The following EXOC6B variants were observed in gnomAD, a reference collection of about 807,000 sequenced individuals.
EXOC6B encodes exocyst complex component 6B, also known as SEC15 homolog B.
In EXOC6B, 54 loss-of-function variants were observed where a neutral mutation model predicts 113.5. The ratio of observed to expected loss-of-function variants is 0.48; its 90% CI spans 0.38 to 0.60. The LOEUF is 0.60. Ranked by LOEUF, EXOC6B falls within the 20% of genes least tolerant of loss-of-function variation. The pLI is 0.00. For missense variants in EXOC6B, 797 were observed against 977.5 expected (o/e 0.82, Z 2.46); for synonymous variants, 357 against 339.0 (o/e 1.05, Z -0.58).
chr2:72,379,889 A>T lies in EXOC6B; in HGVS notation c.1981-19T>A, dbSNP rs772650451. 8 of 1,579,540 alleles carry T rather than the reference A, an allele frequency of 5.1e-6. No individual in the cohort carries two copies. The highest frequency in any genetic ancestry group is 1.4e-5 in the African/African-American group (1 of 73,890). Reference sequence around the variant, plus strand: ...CCTTTCCCTGAAACACAAGAGTGTAAATCATAAAGTTAATGCATCTAACAT... The same window carrying T: ...CCTTTCCCTGAAACACAAGAGTGTATATCATAAAGTTAATGCATCTAACAT... On this transcript the variant is annotated intron_variant, in intron 18 of 21. Coordinates refer to ENST00000272427, the MANE Select transcript of EXOC6B (RefSeq NM_015189.3).
rs139258627 is a variant in EXOC6B, at chr2:72,825,182, G to T, written c.113+616C>A. Among the ~76,000 whole-genome samples the T allele has an allele frequency of 0.016, 2,430 of 152,226 alleles. 82 individuals carry two copies. Among genetic ancestry groups the T allele is most frequent in the African/African-American group, 0.056 (2,337 of 41,532 alleles). ...AATGATAACTGGGGGGCGGCAGCAG[G>T]GTCAGTTTTCCCCAGCGATGAGGAG... On this transcript the variant is annotated intron_variant, in intron 1 of 21. Coordinates refer to ENST00000272427, the MANE Select transcript of EXOC6B (RefSeq NM_015189.3). The surrounding 1 kb of genome is among the most constrained non-coding windows in gnomAD (Gnocchi z 4.4).
At chr2:72,282,077 G>C (rs1685161784) in intron 20 of EXOC6B, among the ~76,000 whole-genome samples, 1 of 151,966 alleles carries the variant, frequency 6.6e-6, no homozygotes, top group Non-Finnish European at 1.5e-5. Flanking sequence ...CTCACCCCCT[G>C]CCAACAAAAA....
At chr2:72,326,052 A>T (rs917770572) in intron 20 of EXOC6B, among the ~76,000 whole-genome samples, 3 of 152,098 alleles carry the variant, frequency 2.0e-5, no homozygotes, top group African/African-American at 7.2e-5. Flanking sequence ...CTACCAGTAG[A>T]ATGCAGTAGT....
At chr2:72,670,903 C>A (rs1675746417) in intron 6 of EXOC6B, among the ~76,000 whole-genome samples, 1 of 152,052 alleles carries the variant, frequency 6.6e-6, no homozygotes, top group Non-Finnish European at 1.5e-5. Context: ...TATGATGAAT[C>A]CCAGAATTAT....
rs1052908531 is a variant in EXOC6B, at chr2:72,484,218, T to C, written c.1666-3468A>G. 3.3e-5 allele frequency among the ~76,000 whole-genome samples: 5 copies of C among 151,562 alleles called. No homozygotes were observed. In the East Asian group the frequency reaches 9.7e-4, roughly 29 times the overall value. ...CGTGCAGGTTTGTTACATAGGTGTA[T>C]GTATGTCATGGTGGTTTGCTGCACC... On this transcript the variant is annotated intron_variant, in intron 16 of 21. Coordinates refer to ENST00000272427, the MANE Select transcript of EXOC6B (RefSeq NM_015189.3).
At chr2:72,712,070 G>C (rs1350650786) in intron 6 of EXOC6B, among the ~76,000 whole-genome samples, 1 of 152,076 alleles carries the variant, frequency 6.6e-6, no homozygotes, top group African/African-American at 2.4e-5. Flanking sequence ...CTAAATGATT[G>C]ACCTTGTACA....
At chr2:72,302,580 A>G (rs1010481649) in intron 20 of EXOC6B, among the ~76,000 whole-genome samples, 2 of 152,128 alleles carry the variant, frequency 1.3e-5, no homozygotes, top group African/African-American at 2.4e-5. Flanking sequence ...CCATTGTGTA[A>G]TGTCCTTCTT....
intron 1 of EXOC6B, among the ~76,000 whole-genome samples, chr2:72,788,259 T>C (rs1447384700): frequency 2.6e-5 from 4 of 152,198 alleles, no homozygotes; most frequent in East Asian, 1.9e-4. Context: ...ACAAAGTAAG[T>C]AGTAAATAAG....
chr2:72,722,581 T>A (rs896684757), intron 5 of EXOC6B, among the ~76,000 whole-genome samples: 1 of 152,178 alleles, frequency 6.6e-6, no homozygotes, highest in Non-Finnish European at 1.5e-5. Context: ...AAAGTACAAA[T>A]ATAGTTAAAT....
At chr2:72,806,616 C>G (rs1194118170) in intron 1 of EXOC6B, among the ~76,000 whole-genome samples, 5 of 152,206 alleles carry the variant, frequency 3.3e-5, no homozygotes, top group Non-Finnish European at 7.4e-5. Context: ...AAACTACTTT[C>G]CACAGTGGCT....
intron 20 of EXOC6B, among the ~76,000 whole-genome samples, chr2:72,226,621 T>C (rs967524440): frequency 5.9e-5 from 9 of 152,210 alleles, no homozygotes; most frequent in Non-Finnish European, 1.2e-4. Flanking sequence ...TTCCCTGCCA[T>C]TCCCTTTAAA....
intron 1 of EXOC6B, among the ~76,000 whole-genome samples, chr2:72,785,713 C>T (rs1053066028): frequency 1.3e-5 from 2 of 152,250 alleles, no homozygotes; most frequent in East Asian, 3.8e-4. Flanking sequence ...GCTTGGCCCA[C>T]AAAACCACTT....
At chr2:72,689,281 AGGTTACTC>A (rs2104581118) in intron 6 of EXOC6B, among the ~76,000 whole-genome samples, 1 of 152,322 alleles carries the variant, frequency 6.6e-6, no homozygotes, top group African/African-American at 2.4e-5. Flanking sequence ...GCATCCTTTT[AGGTTACTC>A]TAACAGTATT....
At chr2:72,401,620 T>TAC (rs1296967533) in intron 18 of EXOC6B, among the ~76,000 whole-genome samples, 8 of 35,584 alleles carry the variant, frequency 2.2e-4, no homozygotes, top group Admixed American at 8.1e-4. Flanking sequence ...TATATATATA[T>TAC]ACATATATAT....
intron 1 of EXOC6B, among the ~76,000 whole-genome samples, chr2:72,822,626 A>G (rs541128294): frequency 6.6e-6 from 1 of 152,290 alleles, no homozygotes; most frequent in African/African-American, 2.4e-5. Flanking sequence ...CAAAGGAAAG[A>G]GTCTGGTTAG....
intron 20 of EXOC6B, among the ~76,000 whole-genome samples, chr2:72,209,250 A>G (rs1370506274): frequency 2.4e-5 from 3 of 123,698 alleles, no homozygotes; most frequent in Non-Finnish European, 5.6e-5. Context: ...AAAAAAAAGA[A>G]AAGAAAAGAA....
chr2:72,649,352 G>A (rs1673989639), intron 6 of EXOC6B, among the ~76,000 whole-genome samples: 1 of 152,112 alleles, frequency 6.6e-6, no homozygotes, highest in Non-Finnish European at 1.5e-5. Flanking sequence ...AACTAAAAGA[G>A]TATGATTAGA....
chr2:72,189,346 T>C (rs566682371), intron 20 of EXOC6B, among the ~76,000 whole-genome samples: 1 of 152,330 alleles, frequency 6.6e-6, no homozygotes, highest in Non-Finnish European at 1.5e-5. Flanking sequence ...CTGAATTCTT[T>C]AGCAGAACAC....
intron 6 of EXOC6B, among the ~76,000 whole-genome samples, chr2:72,611,937 A>C (rs1294574078): frequency 6.6e-6 from 1 of 152,204 alleles, no homozygotes; most frequent in Non-Finnish European, 1.5e-5. Flanking sequence ...TACTGACAAA[A>C]AAGCATAGAA....
Sources: gnomAD v4.1 joint callset for allele counts (sites outside exome capture counted in the v4.1 genomes callset) on GRCh38, gnomAD v4.1.1 for gene constraint, Gnocchi (gnomAD v3.1) non-coding constraint, MANE v1.5 for transcripts, NCBI Gene and HGNC (gene_info 2026-07-23, HGNC 2026-07-21) for gene names.